ZNF254: variants seen among roughly 807,000 people sequenced by gnomAD.
ZNF254 encodes the protein zinc finger protein 254, also known as CTD-2017D11.1.
In ZNF254, 10 loss-of-function variants were observed where a neutral mutation model predicts 12.4. The observed-to-expected ratio is 0.80, with a 90% CI of 0.50 to 1.36. ZNF254 has a LOEUF of 1.36. Ranked by LOEUF, ZNF254 falls within the 40% of genes most tolerant of loss-of-function variation. ZNF254 has a pLI of 0.00. For missense variants in ZNF254, 996 were observed against 763.9 expected (o/e 1.30, Z -3.58); for synonymous variants, 305 against 253.4 (o/e 1.20, Z -1.93).
At chr19:24,073,824 T>C (rs1430318413) in intron 2 of ZNF254, among the ~76,000 whole-genome samples, 1 of 152,236 alleles carries the variant, frequency 6.6e-6, no homozygotes, top group Non-Finnish European at 1.5e-5. Context: ...ATACAAAAAG[T>C]GTTGACTCTA....
intron 3 of ZNF254, among the ~76,000 whole-genome samples, chr19:24,120,817 C>T (rs940234967): frequency 6.6e-6 from 1 of 152,046 alleles, no homozygotes; most frequent in Non-Finnish European, 1.5e-5. Context: ...CGGCTGCCAC[C>T]ATGCCTGGCT....
chr19:24,119,201 A>AT (rs1056297234), intron 3 of ZNF254, among the ~76,000 whole-genome samples: 9 of 151,630 alleles, frequency 5.9e-5, no homozygotes, highest in African/African-American at 1.2e-4. Context: ...TGTATTTTTT[A>AT]TTTTTTTTGA....
At chr19:24,121,314 A>C (rs1974465875) in intron 3 of ZNF254, among the ~76,000 whole-genome samples, 5 of 151,944 alleles carry the variant, frequency 3.3e-5, no homozygotes, top group Admixed American at 2.0e-4. Context: ...GTGTCTAATA[A>C]GTTTTACATT....
At chr19:24,049,102 C>G (rs1270013500) in intron 2 of ZNF254, 1 of 147,994 alleles carries the variant, frequency 6.8e-6, no homozygotes, top group African/African-American at 2.5e-5. Context: ...ACCTACCTAC[C>G]TACCTGTAAT....
chr19:24,068,996 A>T (rs944902441), intron 2 of ZNF254, among the ~76,000 whole-genome samples: 1 of 151,950 alleles, frequency 6.6e-6, no homozygotes, highest in Non-Finnish European at 1.5e-5. Flanking sequence ...AACACTGATG[A>T]TATTGCGTTT....
intron 1 of ZNF254, chr19:24,033,638 G>T (rs1969847560): frequency 2.6e-6 from 1 of 388,166 alleles, no homozygotes; most frequent in Non-Finnish European, 5.1e-6. Flanking sequence ...GTGCGGGGTT[G>T]GGCATCCCGA....
At chr19:24,093,295 A>G (rs1192946853) in intron 1 of ZNF254, among the ~76,000 whole-genome samples, 2 of 152,026 alleles carry the variant, frequency 1.3e-5, no homozygotes, top group African/African-American at 4.8e-5. Flanking sequence ...CTTTAGTTTA[A>G]TTAGGTCCAA....
At chr19:24,045,530 G>A (rs931146681) in intron 1 of ZNF254, among the ~76,000 whole-genome samples, 21 of 151,916 alleles carry the variant, frequency 1.4e-4, no homozygotes, top group African/African-American at 5.1e-4. Flanking sequence ...TTAGCTGGGC[G>A]TGGTGGCGGC....
In ZNF254 at chr19:24,127,683, T is replaced by G. The variant is rs1197038938; in HGVS notation, c.1683T>G (p.Leu561=). ...AAGCCTTTAAGCAGTCTTCAATCCT[T>G]ACTAACCATAAGAGAATTCATACTG... is the stretch of plus-strand genomic sequence containing the variant. ...CGKAFKQSSI[L]TNHKRIHTGE... is the part of the protein sequence containing the mutation. Residue 561 remains leucine, a synonymous_variant, in exon 4 of 4, where the codon CTT becomes CTG. Coordinates refer to ENST00000357002, the MANE Select transcript of ZNF254 (RefSeq NM_203282.4). The G allele has an allele frequency of 4.0e-5, 64 of 1,612,782 alleles. No homozygotes were observed. Among genetic ancestry groups the G allele is most frequent in the Non-Finnish European group, 4.9e-5 (58 of 1,179,612 alleles).
At chr19:24,116,621 C>T (rs58023128) in intron 3 of ZNF254, among the ~76,000 whole-genome samples, 21,753 of 151,928 alleles carry the variant, frequency 0.14, 2,556 homozygotes, top group African/African-American at 0.32. Flanking sequence ...AAGTTTTTAA[C>T]TTCTTTGCCT....
intron 2 of ZNF254, among the ~76,000 whole-genome samples, chr19:24,063,515 T>G (rs1218477262): frequency 6.6e-6 from 1 of 152,234 alleles, no homozygotes; most frequent in East Asian, 1.9e-4. Flanking sequence ...GTTTATCTTT[T>G]GCTTGTGCCC....
chr19:24,062,096 A>AG (rs1568433471), intron 2 of ZNF254, among the ~76,000 whole-genome samples: 2 of 133,754 alleles, frequency 1.5e-5, no homozygotes, highest in African/African-American at 6.4e-5. Context: ...ACAAAAAAAA[A>AG]AAAAAAGAAA....
intron 3 of ZNF254, among the ~76,000 whole-genome samples, chr19:24,120,067 G>A (rs747491482): frequency 1.3e-5 from 2 of 152,124 alleles, no homozygotes; most frequent in Admixed American, 6.6e-5. Context: ...ATTGGTCACA[G>A]TTTCATGTGA....
In ZNF254 at chr19:24,108,293, G is replaced by A. The variant is rs149437332; in HGVS notation, c.253+1650G>A. Reference sequence around the variant, plus strand: ...GGCAGGACCCCCCCAGACTGTGACTGGGAAGAGTTTGGGATGTTTACAGAG... The same window carrying A: ...GGCAGGACCCCCCCAGACTGTGACTAGGAAGAGTTTGGGATGTTTACAGAG... On this transcript the variant is annotated intron_variant, in intron 3 of 3. Transcript: ENST00000357002. Among the ~76,000 whole-genome samples the A allele has an allele frequency of 2.5e-4, 38 of 152,270 alleles. No individual in the cohort carries two copies. The East Asian group carries it at 6.8e-3, about 27-fold the overall frequency.
chr19:24,045,182 T>A (rs1970331881), intron 1 of ZNF254, among the ~76,000 whole-genome samples: 1 of 152,200 alleles, frequency 6.6e-6, no homozygotes, highest in African/African-American at 2.4e-5. Context: ...AGGCAAGCTG[T>A]ACCAGCAGCT....
At position 24,045,585 on chromosome 19, in the gene ZNF254, G is replaced by A. The variant is rs138583083; in HGVS notation, c.-189-599G>A. On this transcript the variant is annotated intron_variant, in intron 1 of 4. Transcript: ENST00000613065. ...TGGGAGGCTGAGGCAGGAGAATGGC[G>A]TGACCCCGGGACGCGGAGGTTGCAG... Among the ~76,000 whole-genome samples the A allele has an allele frequency of 2.5e-4, 38 of 151,020 alleles. No homozygotes were observed. In the East Asian group the frequency reaches 7.3e-3, roughly 29 times the overall value.
intron 2 of ZNF254, among the ~76,000 whole-genome samples, chr19:24,052,482 T>C (rs1043281672): frequency 3.3e-5 from 5 of 152,332 alleles, no homozygotes; most frequent in Admixed American, 2.6e-4. Flanking sequence ...TTAACTCCCC[T>C]TTTTGCCTGC....
chr19:24,075,872 A>T (rs569972103), intron 2 of ZNF254, among the ~76,000 whole-genome samples: 2 of 152,320 alleles, frequency 1.3e-5, no homozygotes, highest in East Asian at 3.9e-4. Flanking sequence ...TCACCCTGGG[A>T]GTGCATTATT....
At position 24,115,970 on chromosome 19, in the gene ZNF254, G is replaced by T. The variant is rs572400677; in HGVS notation, c.253+9327G>T. On this transcript the variant is annotated intron_variant, in intron 3 of 3. Coordinates refer to ENST00000357002, the MANE Select transcript of ZNF254 (RefSeq NM_203282.4). ...TCACTTATGAAGCTTAGTTTGGCTGGATATGAAATTCTGTGTTGAAAATTC... is the reference window on the plus strand; with the variant it reads ...TCACTTATGAAGCTTAGTTTGGCTGTATATGAAATTCTGTGTTGAAAATTC... Among the ~76,000 whole-genome samples the T allele has an allele frequency of 2.0e-3, 310 of 152,226 alleles. 1 individual carries two copies. Among genetic ancestry groups the T allele is most frequent in the African/African-American group, 7.2e-3 (301 of 41,540 alleles).
Sources: allele counts gnomAD v4.1 joint callset (sites outside exome capture counted in the v4.1 genomes callset), GRCh38; gene constraint gnomAD v4.1.1; transcripts MANE v1.5; gene names NCBI Gene and HGNC (gene_info 2026-07-23, HGNC 2026-07-21).